The following CLTC variants were observed in gnomAD, a reference collection of about 807,000 sequenced individuals.
The protein encoded by CLTC is clathrin heavy chain 1.
CLTC carries 16 observed loss-of-function variants against 195.8 expected under a neutral mutation model. The ratio of observed to expected loss-of-function variants is 0.08; its 90% CI spans 0.06 to 0.12. The LOEUF (loss-of-function observed/expected upper bound fraction) is 0.12, where lower values mean the gene tolerates loss of function less well. CLTC is among the 10% of genes least tolerant of loss of function. CLTC has a pLI of 1.00. For synonymous variants in CLTC, 667 were observed against 689.4 expected, an observed-to-expected ratio of 0.97 and a Z score of 0.51; for missense variants, 796 against 2,027.0, an observed-to-expected ratio of 0.39 and a Z score of 11.66.
At chr17:59,663,646 G>T (rs2032660571) in intron 8 of CLTC, among the ~76,000 whole-genome samples, 196 bp from the exon 9 acceptor site, 1 of 152,172 alleles carries the variant, frequency 6.6e-6, no homozygotes, top group Non-Finnish European at 1.5e-5. Flanking sequence ...AACAGGATTT[G>T]TGGAGAATTC....
chr17:59,637,571 T>C (rs1396795503), intron 1 of CLTC, among the ~76,000 whole-genome samples: 1 of 135,280 alleles, frequency 7.4e-6, no homozygotes, highest in South Asian at 2.4e-4. Flanking sequence ...AAAAAAAAAA[T>C]TTTTTTTTTA....
intron 16 of CLTC, among the ~76,000 whole-genome samples, chr17:59,675,699 T>A (rs1174841876): frequency 6.6e-6 from 1 of 152,190 alleles, no homozygotes; most frequent in African/African-American, 2.4e-5. Context: ...GAGGTTCAGT[T>A]GAGTCTGAAC....
chr17:59,672,455 T>G (rs915614290), intron 14 of CLTC, among the ~76,000 whole-genome samples: 12 of 141,920 alleles, frequency 8.5e-5, no homozygotes, highest in African/African-American at 3.0e-4. Flanking sequence ...CCATACTTTT[T>G]TGATGTTCAT....
intron 1 of CLTC, among the ~76,000 whole-genome samples, chr17:59,629,457 A>G (rs1482466599): frequency 5.3e-5 from 8 of 152,086 alleles, no homozygotes. Flanking sequence ...GGATGTTATA[A>G]GCAGATGATT....
intron 16 of CLTC, 94 bp from the exon 17 acceptor site, chr17:59,676,860 T>G: frequency 1.0e-6 from 1 of 954,562 alleles, no homozygotes; most frequent in Non-Finnish European, 1.6e-6. Context: ...GAAAGCACAT[T>G]ATAGACCATA....
At chr17:59,625,929 G>A (rs754740356) in intron 1 of CLTC, among the ~76,000 whole-genome samples, 3 of 152,120 alleles carry the variant, frequency 2.0e-5, no homozygotes, top group Non-Finnish European at 4.4e-5. Flanking sequence ...GAGGATCTGA[G>A]ATCATGTATG....
rs2033091341 is a variant in CLTC, at chr17:59,682,020, T to C, written c.3442+181T>C. ...TTTGTAAGTTCACAAAACTTACAAG[T>C]GGGGAAGATGAATCTTCTGTTTTTG... is the stretch of plus-strand genomic sequence containing the variant. On this transcript the variant is annotated intron_variant, in intron 21 of 31. Coordinates refer to ENST00000269122, the MANE Select transcript of CLTC (RefSeq NM_004859.4). This position sits in a 1 kb window ranked among gnomAD's most constrained non-coding sequence, Gnocchi z 6.8. Among the ~76,000 whole-genome samples, 1 of 152,178 alleles carries C rather than the reference T, an allele frequency of 6.6e-6. No homozygotes were observed. Among genetic ancestry groups the C allele is most frequent in the Non-Finnish European group, 1.5e-5 (1 of 68,022 alleles).
chr17:59,637,326 G>T (rs934339234), intron 1 of CLTC, among the ~76,000 whole-genome samples: 3 of 150,852 alleles, frequency 2.0e-5, no homozygotes, highest in Admixed American at 1.3e-4. Context: ...CTCACTGCAA[G>T]CTCCGCCTCC....
chr17:59,664,020 GCATGAATT>G, intron 9 of CLTC, 26 bp downstream of exon 9: 1 of 1,594,954 alleles, frequency 6.3e-7, no homozygotes, highest in Non-Finnish European at 8.6e-7. Flanking sequence ...CACATTCTCA[GCATGAATT>G]CATTGAAGCA....
intron 31 of CLTC, 30 bp from the exon 32 acceptor site, chr17:59,693,698 C>A: frequency 6.2e-7 from 1 of 1,601,106 alleles, no homozygotes; most frequent in Non-Finnish European, 8.5e-7. Flanking sequence ...GCCCCTGCCC[C>A]CTGCTCCTTT....
intron 13 of CLTC, among the ~76,000 whole-genome samples, chr17:59,668,102 CAT>C (rs538020560): frequency 2.6e-3 from 393 of 152,284 alleles, no homozygotes; most frequent in African/African-American, 8.4e-3. Flanking sequence ...TTAATAGCCA[CAT>C]GTGTTTAGTG....
At chr17:59,647,277 T>G (rs2032220648) in intron 2 of CLTC, 121 bp from the exon 3 acceptor site, 1 of 718,210 alleles carries the variant, frequency 1.4e-6, no homozygotes, top group Non-Finnish European at 2.3e-6. Flanking sequence ...TGCTGCTGTA[T>G]CGATGCAACT....
In CLTC at chr17:59,666,573, G is replaced by T; in HGVS notation, c.1876G>T (p.Ala626Ser). ...TGAAAAGGCTGGCCTACTGCAGCGT[G>T]CATTAGAACATTTCACTGATTTATA... ...LCEKAGLLQRALEHFTDLYDI... is the reference protein window; with the variant it reads ...LCEKAGLLQRSLEHFTDLYDI... Residue 626 changes from alanine (A) to serine (S), a missense_variant, in exon 12 of 32, where the codon GCA becomes TCA. Ala to Ser is a moderately conservative substitution (Grantham distance 99). Coordinates refer to ENST00000269122, the MANE Select transcript of CLTC (RefSeq NM_004859.4). This position sits in a 1 kb window ranked among gnomAD's most constrained non-coding sequence, Gnocchi z 4.9. 6.2e-7 allele frequency: 1 copy of T among 1,614,070 alleles called. No homozygotes were observed. The highest frequency in any genetic ancestry group is 8.5e-7 in the Non-Finnish European group (1 of 1,179,984).
At chr17:59,689,119 A>G (rs1229304966) in intron 30 of CLTC, 1 of 152,204 alleles carries the variant, frequency 6.6e-6, no homozygotes, top group Non-Finnish European at 1.5e-5. Flanking sequence ...ACTATAAAGT[A>G]GGATAATAGT....
At chr17:59,657,044 A>T (rs985411519) in intron 6 of CLTC, among the ~76,000 whole-genome samples, 4 of 152,236 alleles carry the variant, frequency 2.6e-5, no homozygotes, top group African/African-American at 9.6e-5. Context: ...ACATTTTAAA[A>T]ATACTGTTAC....
chr17:59,673,795 A>G (rs2032906141), intron 15 of CLTC, 23 bp downstream of exon 15: 1 of 1,041,472 alleles, frequency 9.6e-7, no homozygotes, highest in African/African-American at 1.6e-5. Flanking sequence ...TAGGTAATGT[A>G]AAGGTATAAT....
intron 1 of CLTC, among the ~76,000 whole-genome samples, chr17:59,629,623 C>T (rs940176041): frequency 6.8e-6 from 1 of 146,920 alleles, no homozygotes; most frequent in Non-Finnish European, 1.5e-5. Flanking sequence ...CGGGTTCAAG[C>T]GGTTCTTCTG....
chr17:59,627,631 A>T (rs1432895380), intron 1 of CLTC, among the ~76,000 whole-genome samples: 1 of 152,192 alleles, frequency 6.6e-6, no homozygotes, highest in East Asian at 1.9e-4. Flanking sequence ...GAAAAGTAGG[A>T]GACAGCAAAC....
Position 59,666,180 on chromosome 17 carries a change from C to T in CLTC, c.1722C>T (p.Arg574=). The T allele has an allele frequency of 1.2e-6, 2 of 1,613,918 alleles. No individual in the cohort carries two copies. Among genetic ancestry groups the T allele is most frequent in the South Asian group, 2.2e-5 (2 of 91,082 alleles). ...TGCTTGATGCTCTGAAGAATAATCG[C>T]CCATCTGAAGGTCCTTTACAGACGC... ...AFLLDALKNN[R]PSEGPLQTRL... The change falls in exon 11 of 32, where the codon CGC becomes CGT. Residue 574 remains arginine (R), a synonymous_variant. Transcript: ENST00000269122. This position sits in a 1 kb window ranked among gnomAD's most constrained non-coding sequence, Gnocchi z 4.9.
Sources: allele counts gnomAD v4.1 joint callset (sites outside exome capture counted in the v4.1 genomes callset), GRCh38; gene constraint gnomAD v4.1.1; non-coding constraint Gnocchi (gnomAD v3.1); transcripts MANE v1.5; gene names NCBI Gene and HGNC (gene_info 2026-07-23, HGNC 2026-07-21).